PDZRN4: variants seen among roughly 807,000 people sequenced by gnomAD.
PDZRN4 encodes the protein PDZ domain-containing RING finger protein 4.
In PDZRN4, 70 loss-of-function variants were observed where a neutral mutation model predicts 99.0. That is an observed-to-expected ratio of 0.71 (90% confidence interval 0.58 to 0.86). The LOEUF is 0.86. Among genes scored for constraint, PDZRN4 ranks in the 40% least tolerant of loss-of-function variants. The pLI, the probability that PDZRN4 is intolerant of heterozygous loss-of-function variation, is 0.00. For synonymous variants in PDZRN4, 551 were observed against 501.6 expected, an observed-to-expected ratio of 1.10 and a Z score of -1.32; for missense variants, 1,474 against 1,331.2, an observed-to-expected ratio of 1.11 and a Z score of -1.67.
At chr12:41,191,240 CT>C (rs1950733443) in intron 1 of PDZRN4, among the ~76,000 whole-genome samples, 1 of 152,252 alleles carries the variant, frequency 6.6e-6, no homozygotes, top group South Asian at 2.1e-4. Flanking sequence ...GAAAATAGGG[CT>C]TTTTCCCCTC....
chr12:41,428,044 C>T (rs564012031), intron 3 of PDZRN4, among the ~76,000 whole-genome samples: 12 of 152,230 alleles, frequency 7.9e-5, no homozygotes, highest in Middle Eastern at 3.4e-3. Flanking sequence ...GCCAAGATTA[C>T]GCCATTGCAC....
intron 3 of PDZRN4, among the ~76,000 whole-genome samples, chr12:41,399,328 T>C (rs1279217699): frequency 6.6e-6 from 1 of 152,216 alleles, no homozygotes; most frequent in Non-Finnish European, 1.5e-5. Context: ...GTGAATTGTG[T>C]CCCTATATTC....
chr12:41,572,392 C>A lies in PDZRN4; in HGVS notation c.1613C>A (p.Thr538Lys). ...QPKKQEEEEGTTDTATSSSNN... is the reference protein window; with the variant it reads ...QPKKQEEEEGKTDTATSSSNN... Reference sequence around the variant, plus strand: ...AAAAAGCAAGAAGAAGAAGAAGGCACAACAGACACTGCAACATCCTCATCC... The same window carrying A: ...AAAAAGCAAGAAGAAGAAGAAGGCAAAACAGACACTGCAACATCCTCATCC... Residue 538 changes from threonine to lysine, a missense_variant, in exon 10 of 10, where the codon ACA (threonine) becomes AAA (lysine). Physicochemically the swap from Thr to Lys is moderately conservative, Grantham distance 78 (BLOSUM62 -1). Transcript: ENST00000402685. 1 of 1,613,614 alleles carries A rather than the reference C, an allele frequency of 6.2e-7. No homozygotes were observed. The highest frequency in any genetic ancestry group is 8.5e-7 in the Non-Finnish European group (1 of 1,179,732).
chr12:41,481,515 G>T (rs945383112), intron 3 of PDZRN4, among the ~76,000 whole-genome samples: 1 of 152,020 alleles, frequency 6.6e-6, no homozygotes, highest in African/African-American at 2.4e-5. Context: ...TGGTAAATTA[G>T]TCTTATCATA....
intron 3 of PDZRN4, among the ~76,000 whole-genome samples, chr12:41,371,055 A>T (rs1383220282): frequency 6.6e-6 from 1 of 150,654 alleles, no homozygotes; most frequent in Non-Finnish European, 1.5e-5. Context: ...TCATCTCTCC[A>T]TGTATATTTA....
At position 41,573,398 on chromosome 12, in the gene PDZRN4, G is replaced by T; in HGVS notation, c.2619G>T (p.Val873=). The T allele has an allele frequency of 6.2e-7, 1 of 1,613,612 alleles. No individual in the cohort carries two copies. Among genetic ancestry groups the T allele is most frequent in the South Asian group, 1.1e-5 (1 of 91,078 alleles). ...ATGCTCAGAGTCAGCTCAGCTTGGT[G>T]AGCATGTGCAAGGAGTCTCAGAAGT... The part of the protein sequence containing the change: ...VEYAQSQLSL[V]SMCKESQKCS... The change falls in exon 10 of 10, where the codon GTG becomes GTT. Residue 873 remains valine (V), a synonymous_variant. Coordinates refer to ENST00000402685, the MANE Select transcript of PDZRN4 (RefSeq NM_001164595.2).
At chr12:41,512,106 A>C (rs1366141310) in intron 5 of PDZRN4, among the ~76,000 whole-genome samples, 2 of 152,124 alleles carry the variant, frequency 1.3e-5, no homozygotes, top group Non-Finnish European at 2.9e-5. Flanking sequence ...ATTCCTCTTC[A>C]ACCTAAACAT....
chr12:41,397,856 A>G (rs573129063), intron 3 of PDZRN4, among the ~76,000 whole-genome samples: 1 of 152,130 alleles, frequency 6.6e-6, no homozygotes, highest in Non-Finnish European at 1.5e-5. Flanking sequence ...ACTATATGTT[A>G]TCCTATCCTT....
intron 3 of PDZRN4, among the ~76,000 whole-genome samples, chr12:41,312,084 T>C (rs1391094707): frequency 6.6e-6 from 1 of 152,180 alleles, no homozygotes; most frequent in Non-Finnish European, 1.5e-5. Flanking sequence ...GGGTTCTTTT[T>C]CTACCATGCC....
At chr12:41,401,706 G>A (rs1312816288) in intron 3 of PDZRN4, among the ~76,000 whole-genome samples, 1 of 151,944 alleles carries the variant, frequency 6.6e-6, no homozygotes, top group Admixed American at 6.6e-5. Flanking sequence ...CTCTGGTATT[G>A]GCAGAATCTT....
chr12:41,309,154 A>T (rs1951589778), intron 3 of PDZRN4, among the ~76,000 whole-genome samples: 1 of 152,174 alleles, frequency 6.6e-6, no homozygotes, highest in African/African-American at 2.4e-5. Context: ...AGGCCTTCCT[A>T]AGTACCACAA....
intron 3 of PDZRN4, among the ~76,000 whole-genome samples, chr12:41,478,954 A>C (rs1335238100): frequency 1.3e-5 from 2 of 152,200 alleles, no homozygotes; most frequent in Non-Finnish European, 2.9e-5. Flanking sequence ...GGAAAATAAT[A>C]GTGTTTTTAG....
intron 4 of PDZRN4, 192 bp from the exon 5 acceptor site, chr12:41,509,619 C>G (rs141697800): frequency 3.6e-4 from 141 of 394,026 alleles, no homozygotes; most frequent in African/African-American, 2.8e-3. Context: ...TCAGAAATTG[C>G]AAATTGATGG....
intron 3 of PDZRN4, among the ~76,000 whole-genome samples, chr12:41,258,698 G>A (rs375650768): frequency 6.6e-6 from 1 of 152,088 alleles, no homozygotes; most frequent in East Asian, 1.9e-4. Flanking sequence ...CTAGTGCTAG[G>A]GATGTAGTGA....
At chr12:41,310,254 GTT>G (rs1016343832) in intron 3 of PDZRN4, among the ~76,000 whole-genome samples, 51 of 66,756 alleles carry the variant, frequency 7.6e-4, no homozygotes, top group Non-Finnish European at 1.9e-3. Flanking sequence ...TTTCATTTTT[GTT>G]TGTGTGTGTG....
At chr12:41,193,814 C>A (rs953919782) in intron 2 of PDZRN4, among the ~76,000 whole-genome samples, 1 of 152,136 alleles carries the variant, frequency 6.6e-6, no homozygotes. Context: ...TCACCTTGTA[C>A]ATGCCCTTTC....
chr12:41,464,053 C>T (rs899415138), intron 3 of PDZRN4, among the ~76,000 whole-genome samples: 3 of 152,134 alleles, frequency 2.0e-5, no homozygotes, highest in African/African-American at 7.2e-5. Context: ...GTTGGATTTG[C>T]ATTTCCAAGC....
chr12:41,337,348 C>T (rs557311009), intron 3 of PDZRN4, among the ~76,000 whole-genome samples: 4 of 152,146 alleles, frequency 2.6e-5, no homozygotes, highest in East Asian at 1.9e-4. Context: ...ATACCTGTCA[C>T]GTCTTTCCAG....
rs1939515366 is a variant in PDZRN4, at chr12:41,573,209, T to C, written c.2430T>C (p.Val810=). The C allele has an allele frequency of 1.2e-6, 2 of 1,614,018 alleles. No individual in the cohort carries two copies. Among genetic ancestry groups the C allele is most frequent in the Non-Finnish European group, 1.7e-6 (2 of 1,179,992 alleles). ...QGCSAESKEK[V]LEGSKLPDQE... ...GTAGCGCTGAAAGCAAGGAGAAGGT[T>C]TTAGAAGGCAGCAAGCTTCCTGATC... The change falls in exon 10 of 10, where the codon GTT becomes GTC. Residue 810 remains valine (V), a synonymous_variant. Coordinates refer to ENST00000402685, the MANE Select transcript of PDZRN4 (RefSeq NM_001164595.2).
Sources: allele counts gnomAD v4.1 joint callset (sites outside exome capture counted in the v4.1 genomes callset), GRCh38; gene constraint gnomAD v4.1.1; transcripts MANE v1.5; gene names NCBI Gene and HGNC (gene_info 2026-07-23, HGNC 2026-07-21).